The following PCBP3 variants were observed in gnomAD, a reference collection of about 807,000 sequenced individuals.
PCBP3 encodes the protein poly(rC) binding protein 3.
In PCBP3, 25 loss-of-function variants were observed where a neutral mutation model predicts 52.7. The ratio of observed to expected loss-of-function variants is 0.47; its 90% CI spans 0.35 to 0.66. The LOEUF (loss-of-function observed/expected upper bound fraction) is 0.66. PCBP3 is among the 30% of genes least tolerant of loss of function. PCBP3 has a pLI of 0.01. For missense variants in PCBP3, 391 were observed against 490.3 expected, an observed-to-expected ratio of 0.80 and a Z score of 1.91; for synonymous variants, 162 against 183.0, an observed-to-expected ratio of 0.89 and a Z score of 0.93.
chr21:45,701,965 A>AT (rs1245423269), intron 2 of PCBP3, among the ~76,000 whole-genome samples: 3 of 152,234 alleles, frequency 2.0e-5, no homozygotes, highest in Non-Finnish European at 4.4e-5. Flanking sequence ...TGACAGCTTG[A>AT]TTCTCCTATG....
chr21:45,790,337 G>C (rs2091455079), intron 4 of PCBP3, among the ~76,000 whole-genome samples: 1 of 152,072 alleles, frequency 6.6e-6, no homozygotes, highest in Non-Finnish European at 1.5e-5. Context: ...AGGTGACTGC[G>C]GGGCTCTAGG....
At chr21:45,921,966 G>A (rs962681544) in intron 13 of PCBP3, among the ~76,000 whole-genome samples, 5 of 152,202 alleles carry the variant, frequency 3.3e-5, no homozygotes, top group Non-Finnish European at 1.5e-5. Context: ...AGAGCTGCTC[G>A]ACAGGGTGAA....
intron 1 of PCBP3, among the ~76,000 whole-genome samples, chr21:45,666,671 C>T (rs1349379891): frequency 6.6e-6 from 1 of 151,384 alleles, no homozygotes; most frequent in Admixed American, 6.6e-5. Context: ...CATATGTTAT[C>T]CTACAGCCTT....
Position 45,793,343 on chromosome 21 carries a change from G to A in PCBP3, c.-126+37891G>A, listed in dbSNP as rs942065747. Among the ~76,000 whole-genome samples, 10 of 152,198 alleles carry A rather than the reference G, an allele frequency of 6.6e-5. No homozygotes were observed. In the South Asian group the frequency reaches 2.1e-3, roughly 32 times the overall value. On this transcript the variant is annotated intron_variant, in intron 4 of 17. Coordinates refer to ENST00000681687, the MANE Select transcript of PCBP3 (RefSeq NM_001384156.1). ...CGCACTCAGACGTCAAAAACCGAGA[G>A]CTATTCCCGAGCACAGACCGAGGAC...
intron 1 of PCBP3, among the ~76,000 whole-genome samples, chr21:45,667,841 G>C (rs2080905434): frequency 6.6e-6 from 1 of 152,162 alleles, no homozygotes; most frequent in Admixed American, 6.5e-5. Context: ...TGTTGCTGCT[G>C]CTTGTTATAG....
intron 4 of PCBP3, among the ~76,000 whole-genome samples, chr21:45,764,027 ATTAT>A (rs1368325619): frequency 1.3e-5 from 2 of 151,658 alleles, no homozygotes; most frequent in African/African-American, 4.8e-5. Flanking sequence ...AAATAGCTTT[ATTAT>A]TTGTGAGTGA....
chr21:45,908,415 G>T (rs2096259259), intron 9 of PCBP3, among the ~76,000 whole-genome samples: 1 of 152,160 alleles, frequency 6.6e-6, no homozygotes, highest in Non-Finnish European at 1.5e-5. Context: ...TAGACAAAGG[G>T]GACACCATCC....
chr21:45,940,022 G>A lies in PCBP3; in HGVS notation c.910-8G>A. ...TTCTCTAAGAAATCCCCCCGTCCTT[G>A]TTTCTAGCTAATAGGCTGCATAATT... On this transcript the variant is annotated splice_polypyrimidine_tract_variant and splice_region_variant and intron_variant, in intron 16 of 17. Coordinates refer to ENST00000681687, the MANE Select transcript of PCBP3 (RefSeq NM_001384156.1). 6.2e-7 allele frequency: 1 copy of A among 1,611,696 alleles called. No homozygotes were observed. Among genetic ancestry groups the A allele is most frequent in the Non-Finnish European group, 8.5e-7 (1 of 1,178,078 alleles).
At chr21:45,648,365 G>A (rs2079457489) in intron 1 of PCBP3, among the ~76,000 whole-genome samples, 1 of 152,178 alleles carries the variant, frequency 6.6e-6, no homozygotes, top group African/African-American at 2.4e-5. Context: ...ATTCAGCCCA[G>A]ATAAGCATAG....
chr21:45,884,297 TGTGA>T (rs1442466452), intron 5 of PCBP3, among the ~76,000 whole-genome samples: 4 of 152,208 alleles, frequency 2.6e-5, no homozygotes, highest in African/African-American at 9.7e-5. Flanking sequence ...TCTTTCTTCC[TGTGA>T]GTCAGTGTAC....
Position 45,855,170 on chromosome 21 carries a change from T to C in PCBP3, c.10+5075T>C, listed in dbSNP as rs192405160. 3.3e-5 allele frequency among the ~76,000 whole-genome samples: 5 copies of C among 152,286 alleles called. 1 individual carries two copies. Among genetic ancestry groups the C allele is most frequent in the Admixed American group, 3.3e-4 (5 of 15,304 alleles). ...CAGCGATGCCCAAGTGCCTTCTCTC[T>C]CTCTGCGCTTTCCCACAGCTGATCC... On this transcript the variant is annotated intron_variant, in intron 5 of 17. Coordinates refer to ENST00000681687, the MANE Select transcript of PCBP3 (RefSeq NM_001384156.1).
chr21:45,700,842 C>T (rs1046078101), intron 2 of PCBP3, among the ~76,000 whole-genome samples: 1 of 152,160 alleles, frequency 6.6e-6, no homozygotes, highest in African/African-American at 2.4e-5. Context: ...CCATCTCCTC[C>T]ACCATTTTAC....
At chr21:45,715,843 A>G (rs1457308523) in intron 2 of PCBP3, among the ~76,000 whole-genome samples, 1 of 151,928 alleles carries the variant, frequency 6.6e-6, no homozygotes. Context: ...TCATGTTTTT[A>G]TTGTTCTAGG....
In PCBP3 at chr21:45,810,429, AT is replaced by A. The variant is rs199547949; in HGVS notation, c.-125-39518del. The stretch of plus-strand genomic sequence containing the variant: ...TACAGTACACCATCATGCCTGGCTA[AT>A]TTTTTTTTTTTTTAATAGAGATGAG... On this transcript the variant is annotated intron_variant, in intron 4 of 17. Transcript: ENST00000681687. 5.5e-3 allele frequency among the ~76,000 whole-genome samples: 796 copies of A among 145,428 alleles called. 3 individuals carry two copies. The highest frequency in any genetic ancestry group is 0.018 in the East Asian group (87 of 4,966).
At chr21:45,709,134 G>A (rs1270239199) in intron 2 of PCBP3, among the ~76,000 whole-genome samples, 4 of 152,272 alleles carry the variant, frequency 2.6e-5, no homozygotes, top group African/African-American at 4.8e-5. Context: ...GCCATGCAGA[G>A]GAAGTGCCTG....
intron 1 of PCBP3, among the ~76,000 whole-genome samples, chr21:45,666,821 G>A (rs757232289): frequency 1.6e-4 from 25 of 151,764 alleles, no homozygotes; most frequent in African/African-American, 3.6e-4. Context: ...TATGCCTTCC[G>A]GGTTCAAGTG....
chr21:45,719,889 A>C (rs1713474088), intron 2 of PCBP3, among the ~76,000 whole-genome samples: 1 of 152,114 alleles, frequency 6.6e-6, no homozygotes, highest in Admixed American at 6.5e-5. Context: ...TACCCACCAA[A>C]TTCCAGGGTC....
intron 2 of PCBP3, among the ~76,000 whole-genome samples, chr21:45,685,585 G>C (rs1014384678): frequency 2.6e-5 from 4 of 152,176 alleles, no homozygotes; most frequent in African/African-American, 9.7e-5. Context: ...GGCTGCACAA[G>C]ACTGATAAAG....
rs529261885 is a variant in PCBP3 at position 45,878,138 on chromosome 21, G to A, written c.11-18070G>A. Among the ~76,000 whole-genome samples, 16 of 152,362 alleles carry A rather than the reference G, an allele frequency of 1.1e-4. 1 individual carries two copies. In the South Asian group the frequency reaches 2.7e-3, roughly 26 times the overall value. On this transcript the variant is annotated intron_variant, in intron 5 of 17. Coordinates refer to ENST00000681687, the MANE Select transcript of PCBP3 (RefSeq NM_001384156.1). ...GTCTCTCCCATCCTCACCCCCAGGC[G>A]ATCCTGTGGCAGCAGTGGCTTTGAG...
Sources: gnomAD v4.1 joint callset for allele counts (sites outside exome capture counted in the v4.1 genomes callset) on GRCh38, gnomAD v4.1.1 for gene constraint, MANE v1.5 for transcripts, NCBI Gene and HGNC (gene_info 2026-07-23, HGNC 2026-07-21) for gene names.